Variants in SERINC5 observed in about 807,000 individuals in gnomAD.
SERINC5 encodes the protein serine incorporator 5.
In SERINC5, 41 loss-of-function variants were observed where a neutral mutation model predicts 63.1. The ratio of observed to expected loss-of-function variants is 0.65; its 90% CI spans 0.51 to 0.84. SERINC5 has a LOEUF of 0.84. Ranked by LOEUF, SERINC5 falls within the 40% of genes least tolerant of loss-of-function variation. The pLI is 0.00. For synonymous variants in SERINC5, 222 were observed against 215.2 expected, an observed-to-expected ratio of 1.03 and a Z score of -0.28; for missense variants, 523 against 573.0, an observed-to-expected ratio of 0.91 and a Z score of 0.89.
At chr5:80,111,460 A>G (rs1358469539), downstream of SERINC5, among the ~76,000 whole-genome samples, 1 of 152,230 alleles carries the variant, frequency 6.6e-6, no homozygotes, top group Non-Finnish European at 1.5e-5. Flanking sequence ...TCACAAGGTG[A>G]TAGACGCTGG....
intron 3 of SERINC5, 137 bp downstream of exon 3, chr5:80,177,749 A>T (rs776084061): frequency 6.1e-5 from 44 of 721,622 alleles, no homozygotes; most frequent in Non-Finnish European, 5.0e-5. Flanking sequence ...GTAAGTATCA[A>T]TTCCACCTTC....
At chr5:80,197,411 G>A (rs1244622460) in intron 2 of SERINC5, among the ~76,000 whole-genome samples, 6 of 151,512 alleles carry the variant, frequency 4.0e-5, no homozygotes, top group South Asian at 4.2e-4. Flanking sequence ...CCATTTATAC[G>A]AAATGTCTAG....
At chr5:80,160,994 A>ATATATACGTG (rs1746863740) in intron 7 of SERINC5, among the ~76,000 whole-genome samples, 1 of 146,382 alleles carries the variant, frequency 6.8e-6, no homozygotes, top group Non-Finnish European at 1.5e-5. Flanking sequence ...GTGTATATGT[A>ATATATACGTG]TATATATACG....
chr5:80,252,565 C>T (rs1752478651), intron 1 of SERINC5, among the ~76,000 whole-genome samples: 1 of 152,140 alleles, frequency 6.6e-6, no homozygotes, highest in Non-Finnish European at 1.5e-5. Flanking sequence ...TAAGCAAAAC[C>T]AAAGTGAATA....
intron 2 of SERINC5, among the ~76,000 whole-genome samples, chr5:80,192,307 T>G (rs962068559): frequency 7.9e-5 from 12 of 152,222 alleles, no homozygotes; most frequent in Non-Finnish European, 1.6e-4. Flanking sequence ...GCAGCTCCTT[T>G]GGGCTGCGGT....
chr5:80,190,627 G>A (rs1467303860), intron 2 of SERINC5, among the ~76,000 whole-genome samples: 1 of 152,184 alleles, frequency 6.6e-6, no homozygotes, highest in Non-Finnish European at 1.5e-5. Context: ...GTGAAATGCT[G>A]TATGCACAAA....
chr5:80,186,719 G>A (rs1263302534), intron 2 of SERINC5, among the ~76,000 whole-genome samples: 1 of 152,138 alleles, frequency 6.6e-6, no homozygotes, highest in Non-Finnish European at 1.5e-5. Flanking sequence ...AAAGCTACAG[G>A]AAGACCTACA....
At chr5:80,164,910 GTTTTT>G (rs70982026) in intron 7 of SERINC5, among the ~76,000 whole-genome samples, 1 of 85,190 alleles carries the variant, frequency 1.2e-5, no homozygotes, top group Non-Finnish European at 2.1e-5. Flanking sequence ...CTTTTTTTCT[GTTTTT>G]TTTTTTTTTT....
At chr5:80,186,633 C>G (rs892778073) in intron 2 of SERINC5, among the ~76,000 whole-genome samples, 1 of 152,118 alleles carries the variant, frequency 6.6e-6, no homozygotes. Flanking sequence ...AGAAAATTCA[C>G]GTAATTTTGT....
In SERINC5 at chr5:80,139,329, G is replaced by A; in HGVS notation, c.*4334C>T. 1.0e-6 allele frequency: 1 copy of A among 984,064 alleles called. No homozygotes were observed. The highest frequency in any genetic ancestry group is 1.2e-6 in the Non-Finnish European group (1 of 828,738). The allele number at this position is 984,064 out of a possible 1,614,324, so 61.0% of individuals were successfully genotyped here. Reference sequence around the variant, plus strand: ...TCCAGACATATATTACAAATCTGCTGTAAGCTTTCTTTACCTGAGAGAACT... The same window carrying A: ...TCCAGACATATATTACAAATCTGCTATAAGCTTTCTTTACCTGAGAGAACT... On this transcript the variant is annotated 3_prime_UTR_variant, in exon 12 of 12. Coordinates refer to ENST00000507668, the MANE Select transcript of SERINC5 (RefSeq NM_001174072.3).
chr5:80,146,025 A>G, intron 11 of SERINC5, 65 bp downstream of exon 11: 1 of 1,555,826 alleles, frequency 6.4e-7, no homozygotes, highest in Non-Finnish European at 8.9e-7. Flanking sequence ...AACAAACACG[A>G]ACAGTACTTA....
Position 80,146,302 on chromosome 5 carries a change from G to C in SERINC5, c.1094-68C>G, listed in dbSNP as rs1580059863. ...TGTGTTTACCATTCAGCAAAGTCACGCTCGCTAATTCTACAGGGCTGTCAG... is the reference window on the plus strand; with the variant it reads ...TGTGTTTACCATTCAGCAAAGTCACCCTCGCTAATTCTACAGGGCTGTCAG... On this transcript the variant is annotated intron_variant, in intron 10 of 11. Coordinates refer to ENST00000507668, the MANE Select transcript of SERINC5 (RefSeq NM_001174072.3). 3.8e-5 allele frequency: 59 copies of C among 1,572,286 alleles called. No individual in the cohort carries two copies. The South Asian group carries it at 5.5e-4, about 15-fold the overall frequency.
chr5:80,143,103 G>A lies in SERINC5; in HGVS notation c.*560C>T, dbSNP rs7707754. ...CCTCAAAGGGAAACGTTTAGGGGCC[G>A]TGAAGAGGCAGCACTGAGGGTGCAG... On this transcript the variant is annotated 3_prime_UTR_variant, in exon 12 of 12. Transcript: ENST00000507668. 243,197 of 985,096 alleles carry A rather than the reference G, an allele frequency of 0.25. 32,681 individuals are homozygous for A. The highest frequency in any genetic ancestry group is 0.52 in the African/African-American group (29,563 of 57,200). 61.0% of individuals were successfully genotyped at this position (985,096 alleles called of 1,614,324 possible). A position where few individuals can be genotyped will look rare whatever the true frequency, so the allele number is the denominator to read the frequency against.
intron 1 of SERINC5, among the ~76,000 whole-genome samples, chr5:80,209,570 T>C (rs1300623511): frequency 6.6e-6 from 1 of 152,202 alleles, no homozygotes; most frequent in Admixed American, 6.5e-5. Flanking sequence ...TTCATATCTA[T>C]GTACATACAC....
chr5:80,205,913 TACAAA>T lies in SERINC5; in HGVS notation c.28-2865_28-2861del, dbSNP rs200755222. Among the ~76,000 whole-genome samples the T allele has an allele frequency of 5.3e-4, 63 of 119,094 alleles. 1 individual carries two copies. Among genetic ancestry groups the T allele is most frequent in the African/African-American group, 1.1e-3 (33 of 30,862 alleles). 78.1% of individuals were successfully genotyped at this position (119,094 alleles called of 152,430 possible). The stretch of plus-strand genomic sequence containing the variant: ...ATGGTGAAACCTCGTCTCTACTAAA[TACAAA>T]ACAAAACAAAACAAAACAAAACAAA... On this transcript the variant is annotated intron_variant, in intron 1 of 11. Transcript: ENST00000507668.
intron 1 of SERINC5, among the ~76,000 whole-genome samples, chr5:80,211,931 A>G (rs1378884676): frequency 6.6e-6 from 1 of 152,224 alleles, no homozygotes; most frequent in Non-Finnish European, 1.5e-5. Context: ...TGTGGGTCAC[A>G]GTTTTTAGCT....
chr5:80,143,860 T>A, intron 11 of SERINC5, 50 bp from the exon 12 acceptor site: 30 of 1,325,716 alleles, frequency 2.3e-5, no homozygotes, highest in Non-Finnish European at 3.0e-5. Flanking sequence ...TATATTGAGA[T>A]ACAATTCACT....
chr5:80,239,092 T>C (rs1751838805), intron 1 of SERINC5, among the ~76,000 whole-genome samples: 1 of 152,176 alleles, frequency 6.6e-6, no homozygotes, highest in African/African-American at 2.4e-5. Flanking sequence ...AAAAAACTTA[T>C]TAGGTGGATA....
At chr5:80,154,702 C>T (rs927176603) in intron 8 of SERINC5, among the ~76,000 whole-genome samples, 1 of 152,130 alleles carries the variant, frequency 6.6e-6, no homozygotes, top group Non-Finnish European at 1.5e-5. Flanking sequence ...ATCACACCAA[C>T]CTGCGAACCT....
Sources: gnomAD v4.1 joint callset for allele counts (sites outside exome capture counted in the v4.1 genomes callset) on GRCh38, gnomAD v4.1.1 for gene constraint, MANE v1.5 for transcripts, NCBI Gene and HGNC (gene_info 2026-07-23, HGNC 2026-07-21) for gene names.